The following KANSL3 variants were observed in gnomAD, a reference collection of about 807,000 sequenced individuals.
The protein encoded by KANSL3 is KAT8 regulatory NSL complex subunit 3, also known as NSL complex protein NSL3.
KANSL3 carries 16 observed loss-of-function variants against 89.2 expected under a neutral mutation model. The ratio of observed to expected loss-of-function variants is 0.18; its 90% confidence interval spans 0.12 to 0.27. KANSL3 has a LOEUF of 0.27. Among genes scored for constraint, KANSL3 ranks in the 10% least tolerant of loss-of-function variants. KANSL3 has a pLI of 1.00. For synonymous variants in KANSL3, 385 were observed against 419.7 expected, an observed-to-expected ratio of 0.92 and a Z score of 1.01; for missense variants, 879 against 1,110.6, an observed-to-expected ratio of 0.79 and a Z score of 2.96.
chr2:96,633,464 G>C (rs1288226771), intron 2 of KANSL3, among the ~76,000 whole-genome samples: 2 of 151,958 alleles, frequency 1.3e-5, no homozygotes, highest in African/African-American at 4.8e-5. Context: ...AGCTACTCAG[G>C]AGGCTGAGGC....
At chr2:96,633,248 C>T (rs555620486) in intron 2 of KANSL3, among the ~76,000 whole-genome samples, 4 of 150,442 alleles carry the variant, frequency 2.7e-5, no homozygotes, top group South Asian at 2.1e-4. Context: ...ACAGAGACCT[C>T]GGCCCAAAAA....
intron 6 of KANSL3, among the ~76,000 whole-genome samples, 152 bp from the exon 7 acceptor site, chr2:96,613,086 T>C (rs888868245): frequency 6.6e-6 from 1 of 152,188 alleles, no homozygotes; most frequent in African/African-American, 2.4e-5. Context: ...TTAATAATAG[T>C]TAAAGAAGCT....
chr2:96,623,403 CCCA>C (rs2071679112), intron 3 of KANSL3, among the ~76,000 whole-genome samples: 1 of 152,176 alleles, frequency 6.6e-6, no homozygotes, highest in African/African-American at 2.4e-5. Flanking sequence ...CATATCCCAC[CCCA>C]CAAGATACTC....
At position 96,604,302 on chromosome 2, in the gene KANSL3, C is replaced by T; in HGVS notation, c.2097G>A (p.Leu699=). Residue 699 remains leucine (L), a synonymous_variant, in exon 17 of 21, where the codon TTG becomes TTA. Transcript: ENST00000431828. ...CCACCAGGCGGCTCTGCAGTGTGTG[C>T]AAGGCACTGGGTGCAGTGCTGCTGG... The part of the protein sequence containing the change: ...VVSSSTAPSA[L]HTLQSRLVAT... 2 of 1,613,294 alleles carry T rather than the reference C, an allele frequency of 1.2e-6. No homozygotes were observed. The highest frequency in any genetic ancestry group is 1.7e-6 in the Non-Finnish European group (2 of 1,179,814).
chr2:96,627,685 G>A (rs1009843171), intron 3 of KANSL3, among the ~76,000 whole-genome samples: 2 of 152,182 alleles, frequency 1.3e-5, no homozygotes, highest in African/African-American at 4.8e-5. Context: ...CGTTCATGGA[G>A]CTCTTGATGT....
At chr2:96,633,700 T>C (rs186845060) in intron 2 of KANSL3, among the ~76,000 whole-genome samples, 166 of 152,092 alleles carry the variant, frequency 1.1e-3, no homozygotes, top group Non-Finnish European at 2.1e-3. Context: ...ACCTCGTCTC[T>C]ACTAAACACA....
At chr2:96,619,281 T>C in intron 5 of KANSL3, 78 bp downstream of exon 5, 1 of 1,375,136 alleles carries the variant, frequency 7.3e-7, no homozygotes, top group African/African-American at 1.4e-5. Context: ...GATAATTACT[T>C]TGCCTAACCC....
chr2:96,627,784 T>C, intron 3 of KANSL3: 4 of 534,978 alleles, frequency 7.5e-6, no homozygotes, highest in South Asian at 7.0e-5. Context: ...ACACGATGAT[T>C]ATAATCAGAG....
chr2:96,602,007 G>C (rs560102843), intron 19 of KANSL3, 109 bp downstream of exon 19: 1 of 1,208,732 alleles, frequency 8.3e-7, no homozygotes, highest in African/African-American at 1.5e-5. Context: ...TCAATGCCAG[G>C]ACCCTGTGGG....
In KANSL3 at chr2:96,593,323, C is replaced by T; in HGVS notation, c.*2288G>A. On this transcript the variant is annotated 3_prime_UTR_variant, in exon 21 of 21. Transcript: ENST00000431828. The stretch of plus-strand genomic sequence containing the variant: ...CCTCAGTGACCTCAAAACACAAGGA[C>T]ATCTCCATAGGGCATCAACATGCAT... 1 of 456,072 alleles carries T rather than the reference C, an allele frequency of 2.2e-6. No individual in the cohort carries two copies. The highest frequency in any genetic ancestry group is 4.4e-6 in the Non-Finnish European group (1 of 226,790). The allele number at this position is 456,072 out of a possible 1,614,324, so 28.3% of individuals were successfully genotyped here.
At chr2:96,626,799 G>A (rs1467694086) in intron 3 of KANSL3, among the ~76,000 whole-genome samples, 8 of 152,168 alleles carry the variant, frequency 5.3e-5, no homozygotes, top group South Asian at 2.1e-4. Context: ...GCCATGGCAC[G>A]CAGACACAAG....
chr2:96,619,613 T>C, intron 4 of KANSL3, 59 bp downstream of exon 4: 1 of 1,604,160 alleles, frequency 6.2e-7, no homozygotes, highest in Non-Finnish European at 8.5e-7. Context: ...GACAAGTCAG[T>C]CAGCCAGTGA....
At chr2:96,610,610 C>T (rs763257030) in intron 11 of KANSL3, 116 bp downstream of exon 11, 29 of 1,224,498 alleles carry the variant, frequency 2.4e-5, no homozygotes, top group South Asian at 4.4e-5. Flanking sequence ...CCACCGCGCC[C>T]GGCTAATGCT....
chr2:96,631,483 C>T lies in KANSL3; in HGVS notation c.216-1G>A. ...CACATCTATTGGGACGTCTGATTCA[C>T]TGTAAACAGGTGAGGAAATAGGACC... On this transcript the variant is annotated splice_acceptor_variant, in intron 2 of 20. Transcript: ENST00000431828. LOFTEE classifies it high-confidence loss of function. 6.4e-7 allele frequency: 1 copy of T among 1,562,282 alleles called. No homozygotes were observed. The highest frequency in any genetic ancestry group is 8.7e-7 in the Non-Finnish European group (1 of 1,152,512).
chr2:96,596,938 T>G (rs1313178748), intron 20 of KANSL3, among the ~76,000 whole-genome samples: 1 of 152,214 alleles, frequency 6.6e-6, no homozygotes. Flanking sequence ...GTCTGTCCTC[T>G]TCCTCCCTGC....
intron 9 of KANSL3, 111 bp downstream of exon 9, chr2:96,612,171 T>C: frequency 4.0e-6 from 3 of 744,092 alleles, no homozygotes; most frequent in Non-Finnish European, 7.1e-6. Flanking sequence ...TGTAATTATA[T>C]AGGTAAAGTA....
chr2:96,588,259 A>C (rs2066253810), downstream of KANSL3, among the ~76,000 whole-genome samples: 1 of 152,204 alleles, frequency 6.6e-6, no homozygotes, highest in Non-Finnish European at 1.5e-5. Flanking sequence ...ACAAAGAAAC[A>C]ACACCTTATC....
intron 3 of KANSL3, among the ~76,000 whole-genome samples, chr2:96,626,914 C>T (rs193256271): frequency 1.4e-4 from 21 of 152,324 alleles, no homozygotes; most frequent in Non-Finnish European, 2.5e-4. Flanking sequence ...TGTGGCTTTA[C>T]TGCAAAAGCA....
chr2:96,622,300 A>G (rs971269710), intron 3 of KANSL3, among the ~76,000 whole-genome samples: 1 of 151,902 alleles, frequency 6.6e-6, no homozygotes, highest in Non-Finnish European at 1.5e-5. Context: ...CAGGTGCCCA[A>G]AGTTCCAGCT....
Sources: allele counts gnomAD v4.1 joint callset (sites outside exome capture counted in the v4.1 genomes callset), GRCh38; gene constraint gnomAD v4.1.1; transcripts MANE v1.5; gene names NCBI Gene and HGNC (gene_info 2026-07-23, HGNC 2026-07-21).